JMJD1C: variants seen among roughly 807,000 people sequenced by gnomAD.
JMJD1C encodes jumonji domain-containing protein 1C.
JMJD1C carries 31 observed loss-of-function variants against 245.3 expected under a neutral mutation model. That is an observed-to-expected ratio of 0.13 (90% CI 0.09 to 0.17). The LOEUF is 0.17. JMJD1C is among the 10% of genes least tolerant of loss of function. The pLI, the probability that JMJD1C is intolerant of heterozygous loss-of-function variation, is 1.00. For missense variants in JMJD1C, 2,691 were observed against 3,000.2 expected (o/e 0.90, Z 2.41); for synonymous variants, 1,057 against 1,017.4 (o/e 1.04, Z -0.74).
At chr10:63,430,911 TTTTTG>T (rs1242811134) in intron 1 of JMJD1C, among the ~76,000 whole-genome samples, 2 of 152,180 alleles carry the variant, frequency 1.3e-5, no homozygotes, top group African/African-American at 2.4e-5. Flanking sequence ...TACCGGCTAA[TTTTTG>T]TTTTGTTTTG....
intron 2 of JMJD1C, among the ~76,000 whole-genome samples, chr10:63,353,786 G>A (rs1273302369): frequency 6.6e-6 from 1 of 151,818 alleles, no homozygotes; most frequent in South Asian, 2.1e-4. Flanking sequence ...GATTACAGGT[G>A]TGAGCCACCA....
At chr10:63,182,077 G>A (rs768199417) in intron 22 of JMJD1C, among the ~76,000 whole-genome samples, 6 of 152,330 alleles carry the variant, frequency 3.9e-5, no homozygotes, top group Middle Eastern at 6.8e-3. Context: ...CACAAAAGTA[G>A]AGTGAATACT....
intron 3 of JMJD1C, among the ~76,000 whole-genome samples, chr10:63,263,887 G>A (rs1266596600): frequency 2.0e-5 from 3 of 146,524 alleles, no homozygotes; most frequent in Admixed American, 7.0e-5. Flanking sequence ...AACCAAGAAC[G>A]TGCCACTGCA....
intron 3 of JMJD1C, among the ~76,000 whole-genome samples, chr10:63,256,371 A>C (rs924736195): frequency 6.6e-6 from 1 of 152,192 alleles, no homozygotes; most frequent in Non-Finnish European, 1.5e-5. Context: ...TTTTGAAATT[A>C]TAGCTATATA....
At chr10:63,267,632 C>A (rs962883357) in intron 2 of JMJD1C, among the ~76,000 whole-genome samples, 2 of 152,142 alleles carry the variant, frequency 1.3e-5, no homozygotes, top group African/African-American at 4.8e-5. Flanking sequence ...TGGCCCTAAT[C>A]ACAAAAGACT....
chr10:63,228,385 C>T (rs1203662544), intron 3 of JMJD1C, among the ~76,000 whole-genome samples: 2 of 152,016 alleles, frequency 1.3e-5, no homozygotes, highest in Non-Finnish European at 2.9e-5. Flanking sequence ...GACACAGTGG[C>T]TTGTACCTCT....
Position 63,191,097 on chromosome 10 carries a change from G to A in JMJD1C, c.6088C>T (p.Leu2030Phe). The A allele has an allele frequency of 6.2e-7, 1 of 1,610,672 alleles. No homozygotes were observed. Among genetic ancestry groups the A allele is most frequent in the Non-Finnish European group, 8.5e-7 (1 of 1,177,328 alleles). Residue 2030 changes from leucine to phenylalanine, a missense_variant, in exon 17 of 26, where the codon CTT becomes TTT. Leu to Phe is a conservative substitution (Grantham distance 22). Transcript: ENST00000399262. ...TCTTTAATTTGGTTTTCAAGGGTAA[G>A]TTCTTTGTTTTCTGAAATAGAAAAT... ...AREEKKENKE[L>F]TLENQIKEER... is the part of the protein sequence containing the mutation.
At chr10:63,349,759 C>T (rs1944186532) in intron 2 of JMJD1C, among the ~76,000 whole-genome samples, 1 of 152,060 alleles carries the variant, frequency 6.6e-6, no homozygotes, top group Non-Finnish European at 1.5e-5. Flanking sequence ...GTAAAAACAC[C>T]TAGTATTTTC....
chr10:63,508,277 C>A (rs1332773107), intron 1 of JMJD1C, among the ~76,000 whole-genome samples: 1 of 152,112 alleles, frequency 6.6e-6, no homozygotes, highest in African/African-American at 2.4e-5. Context: ...CCTTTGCCAA[C>A]GATCATTTGA....
chr10:63,264,007 C>A (rs188796781), intron 3 of JMJD1C, among the ~76,000 whole-genome samples: 44 of 136,738 alleles, frequency 3.2e-4, no homozygotes, highest in South Asian at 6.9e-4. Context: ...CACACACACA[C>A]AATTCTGTGA....
In JMJD1C at chr10:63,281,487, T is replaced by A. The variant is rs1245083054; in HGVS notation, c.334-16723A>T. ...TTTTTTTTTTTTTTTTTTTTTTTTT[T>A]TGAGACGGAGTCTCACTCTGTGGCC... On this transcript the variant is annotated intron_variant, in intron 2 of 25. Transcript: ENST00000399262. Among the ~76,000 whole-genome samples the A allele has an allele frequency of 6.5e-5, 6 of 92,086 alleles. No individual in the cohort carries two copies. In the South Asian group the frequency reaches 1.1e-3, roughly 17 times the overall value. The allele number at this position is 92,086 out of a possible 152,430, so 60.4% of individuals were successfully genotyped here.
chr10:63,402,583 T>C (rs898322215), intron 1 of JMJD1C, among the ~76,000 whole-genome samples: 3 of 152,174 alleles, frequency 2.0e-5, no homozygotes, highest in South Asian at 2.1e-4. Context: ...AACCAACATT[T>C]CTGCACTTTA....
At chr10:63,504,161 C>T (rs1370559987) in intron 1 of JMJD1C, among the ~76,000 whole-genome samples, 1 of 152,172 alleles carries the variant, frequency 6.6e-6, no homozygotes, top group Non-Finnish European at 1.5e-5. Context: ...ACTTTTCTGG[C>T]TATAGATAAC....
At chr10:63,383,751 A>T (rs1947385015) in intron 1 of JMJD1C, among the ~76,000 whole-genome samples, 1 of 152,194 alleles carries the variant, frequency 6.6e-6, no homozygotes, top group South Asian at 2.1e-4. Flanking sequence ...AAATGTTCTT[A>T]CTGCCAAAAA....
At chr10:63,462,557 T>G (rs2133097114) in intron 1 of JMJD1C, among the ~76,000 whole-genome samples, 1 of 152,308 alleles carries the variant, frequency 6.6e-6, no homozygotes, top group South Asian at 2.1e-4. Flanking sequence ...AAGATTATCC[T>G]GGATTATGTC....
intron 17 of JMJD1C, among the ~76,000 whole-genome samples, chr10:63,190,491 C>T (rs1188612120): frequency 5.9e-5 from 9 of 152,178 alleles, no homozygotes; most frequent in Non-Finnish European, 1.3e-4. Context: ...TGTGAGCCGC[C>T]GCACCCGGCC....
chr10:63,308,768 A>T (rs957268497), intron 2 of JMJD1C, among the ~76,000 whole-genome samples: 2 of 149,758 alleles, frequency 1.3e-5, no homozygotes, highest in African/African-American at 4.9e-5. Flanking sequence ...AAAAAAAAAA[A>T]GAAAGGGAAA....
At position 63,305,739 on chromosome 10, in the gene JMJD1C, C is replaced by T. The variant is rs371128132; in HGVS notation, c.334-40975G>A. The stretch of plus-strand genomic sequence containing the variant: ...TACTTGTATTCAAACTGTATTGTAA[C>T]GTAAGTAATTTGATTAAAAATCATT... On this transcript the variant is annotated intron_variant, in intron 2 of 25. Transcript: ENST00000399262. 1.5e-4 allele frequency among the ~76,000 whole-genome samples: 23 copies of T among 148,736 alleles called. No homozygotes were observed. The East Asian group carries it at 3.8e-3, about 25-fold the overall frequency.
chr10:63,414,587 A>G (rs941460360), intron 1 of JMJD1C, among the ~76,000 whole-genome samples: 3 of 152,210 alleles, frequency 2.0e-5, no homozygotes, highest in South Asian at 4.2e-4. Context: ...ATCAAAATAT[A>G]TATTAAAAAT....
Sources: allele counts gnomAD v4.1 joint callset (sites outside exome capture counted in the v4.1 genomes callset), GRCh38; gene constraint gnomAD v4.1.1; transcripts MANE v1.5; gene names NCBI Gene and HGNC (gene_info 2026-07-23, HGNC 2026-07-21).